Variants in ZNF235 observed in about 807,000 individuals in gnomAD.
ZNF235 encodes the protein zinc finger protein 235.
In ZNF235, 25 loss-of-function variants were observed where a neutral mutation model predicts 29.4. That is an observed-to-expected ratio of 0.85 (90% CI 0.62 to 1.19). The LOEUF (loss-of-function observed/expected upper bound fraction) is 1.19, where lower values mean the gene tolerates loss of function less well. Ranked by LOEUF, ZNF235 falls within the 50% of genes most tolerant of loss-of-function variation. The pLI is 0.00. For missense variants in ZNF235, 788 were observed against 885.0 expected, an observed-to-expected ratio of 0.89 and a Z score of 1.39; for synonymous variants, 300 against 295.3, an observed-to-expected ratio of 1.02 and a Z score of -0.16.
At chr19:44,298,275 G>A (rs767898811) in intron 4 of ZNF235, among the ~76,000 whole-genome samples, 2 of 152,154 alleles carry the variant, frequency 1.3e-5, no homozygotes, top group Non-Finnish European at 2.9e-5. Flanking sequence ...GTAAAGCTAG[G>A]TGAATAGGCA....
rs61743788 is a variant in ZNF235 at position 44,288,814 on chromosome 19, T to C, written c.621A>G (p.Leu207=). 3,081 of 1,613,384 alleles carry C rather than the reference T, an allele frequency of 1.9e-3. 45 individuals carry two copies. In the African/African-American group the frequency reaches 0.034, roughly 18 times the overall value. Residue 207 remains leucine (L), a synonymous_variant, in exon 5 of 5, where the codon CTA becomes CTG. Transcript: ENST00000291182. ...SCKQTQMKNK[L]CIFAPYVDIF... is the part of the protein sequence containing the mutation. ...TGTCAACATATGGAGCAAATATACA[T>C]AGTTTGTTTTTCATCTGAGTCTGCT...
chr19:44,288,764 T>C lies in ZNF235; in HGVS notation c.671A>G (p.His224Arg), dbSNP rs1975539876. ...TCTTTTGTGCACTATATTATCATCA[T>C]GGTGGTGTGAAATACAACTGAAAAT... ...VDIFSCISHHHDDNIVHKRDK... is the reference protein window; with the variant it reads ...VDIFSCISHHRDDNIVHKRDK... Residue 224 changes from histidine to arginine, a missense_variant, in exon 5 of 5, where the codon CAT becomes CGT. Transcript: ENST00000291182. 3.7e-6 allele frequency: 6 copies of C among 1,614,028 alleles called. No homozygotes were observed. Among genetic ancestry groups the C allele is most frequent in the Non-Finnish European group, 5.1e-6 (6 of 1,179,968 alleles).
In ZNF235 at chr19:44,288,859, CTG is replaced by C; in HGVS notation, c.574_575del (p.Gln192GlufsTer7). The C allele has an allele frequency of 6.2e-7, 1 of 1,613,582 alleles. No homozygotes were observed. The highest frequency in any genetic ancestry group is 8.5e-7 in the Non-Finnish European group (1 of 1,179,784). On this transcript the variant is annotated frameshift_variant, in exon 5 of 5. Coordinates refer to ENST00000291182, the MANE Select transcript of ZNF235 (RefSeq NM_004234.4). LOFTEE classifies it low-confidence loss of function (END_TRUNC). ...SWSKIYLNET[Q>X]NYQRSCKQTQ... is the part of the protein sequence containing the mutation. ...TCTGCTTACAACTTCTCTGATAATTCTGTGTCTCATTCAGATATATTTTACTC... is the reference window on the plus strand; with the variant it reads ...TCTGCTTACAACTTCTCTGATAATTCTGTCTCATTCAGATATATTTTACTC...
chr19:44,288,628 T>G lies in ZNF235; in HGVS notation c.807A>C (p.Glu269Asp). The change falls in exon 5 of 5, where the codon GAA becomes GAC. Residue 269 changes from glutamate to aspartate, a missense_variant. Coordinates refer to ENST00000291182, the MANE Select transcript of ZNF235 (RefSeq NM_004234.4). The part of the protein sequence containing the change: ...GQKTYQGNEC[E>D]EAFNDSSSLE... Reference sequence around the variant, plus strand: ...GACTGGAGCTATCATTGAAGGCTTCTTCACATTCATTACCCTGGTAGGTTT... The same window carrying G: ...GACTGGAGCTATCATTGAAGGCTTCGTCACATTCATTACCCTGGTAGGTTT... 6.2e-7 allele frequency: 1 copy of G among 1,614,084 alleles called. No individual in the cohort carries two copies. Among genetic ancestry groups the G allele is most frequent in the East Asian group, 2.2e-5 (1 of 44,876 alleles).
chr19:44,300,839 C>CAAAAAA (rs143676501), intron 2 of ZNF235, among the ~76,000 whole-genome samples: 6 of 95,898 alleles, frequency 6.3e-5, no homozygotes, highest in African/African-American at 2.8e-4. Context: ...GACTCCGTCT[C>CAAAAAA]AAAAAAAAAA....
intron 3 of ZNF235, 130 bp downstream of exon 3, chr19:44,299,476 G>T: frequency 8.6e-7 from 1 of 1,161,676 alleles, no homozygotes; most frequent in Non-Finnish European, 1.2e-6. Flanking sequence ...GGGGACAGAG[G>T]CCAGGGATGC....
chr19:44,302,972 A>ATT (rs1395115932), intron 2 of ZNF235, among the ~76,000 whole-genome samples: 66 of 105,642 alleles, frequency 6.2e-4, no homozygotes, highest in African/African-American at 3.1e-3. Flanking sequence ...ATACGTATAT[A>ATT]TGTATATATT....
At position 44,288,107 on chromosome 19, in the gene ZNF235, C is replaced by T; in HGVS notation, c.1328G>A (p.Ser443Asn). 1 of 1,614,118 alleles carries T rather than the reference C, an allele frequency of 6.2e-7. No individual in the cohort carries two copies. The highest frequency in any genetic ancestry group is 8.5e-7 in the Non-Finnish European group (1 of 1,180,006). Residue 443 changes from serine (S) to asparagine (N), a missense_variant, in exon 5 of 5, where the codon AGC becomes AAC. Physicochemically the swap from Ser to Asn is conservative, Grantham distance 46. Coordinates refer to ENST00000291182, the MANE Select transcript of ZNF235 (RefSeq NM_004234.4). ...CGDCGKRFSC[S>N]SNLHTHQRVH... Reference sequence around the variant, plus strand: ...TCTCTGATGGGTATGAAGATTTGAGCTACAACTAAAGCGTTTACCACAATC... The same window carrying T: ...TCTCTGATGGGTATGAAGATTTGAGTTACAACTAAAGCGTTTACCACAATC...
chr19:44,301,828 T>C (rs1041694842), intron 2 of ZNF235, among the ~76,000 whole-genome samples: 1 of 152,156 alleles, frequency 6.6e-6, no homozygotes. Context: ...CAGCTGGGCA[T>C]TGAGTGGACT....
intron 2 of ZNF235, 40 bp from the exon 3 acceptor site, chr19:44,299,772 A>C (rs1394118691): frequency 6.2e-7 from 1 of 1,612,388 alleles, no homozygotes; most frequent in African/African-American, 1.3e-5. Context: ...CTCACACCCA[A>C]TGGCCACTGG....
Position 44,287,574 on chromosome 19 carries a change from GGA to G in ZNF235, c.1859_1860del (p.Val620AlafsTer8). 1 of 1,614,150 alleles carries G rather than the reference GGA, an allele frequency of 6.2e-7. No homozygotes were observed. ...CATTTATATGGTTTCTCTCCGGTGT[GGA>G]CTCTCTGATGGGCTTGAAGGTGTGA... ...QASHLQAHQR[V>X]HTGEKPYKCD... On this transcript the variant is annotated frameshift_variant, in exon 5 of 5. Coordinates refer to ENST00000291182, the MANE Select transcript of ZNF235 (RefSeq NM_004234.4). LOFTEE classifies it high-confidence loss of function.
rs1215376149 is a variant in ZNF235 at position 44,288,693 on chromosome 19, C to T, written c.742G>A (p.Val248Ile). 6 of 1,613,946 alleles carry T rather than the reference C, an allele frequency of 3.7e-6. No individual in the cohort carries two copies. The highest frequency in any genetic ancestry group is 5.1e-6 in the Non-Finnish European group (6 of 1,180,006). Residue 248 changes from valine to isoleucine, a missense_variant, in exon 5 of 5, where the codon GTA becomes ATA. Transcript: ENST00000291182. ...NSDCGKDTLK[V>I]SPLTQRSIHT... Reference sequence around the variant, plus strand: ...ATACTACGCTGGGTAAGAGGTGATACCTTTAGGGTATCTTTACCACAATCA... The same window carrying T: ...ATACTACGCTGGGTAAGAGGTGATATCTTTAGGGTATCTTTACCACAATCA...
rs1476052551 is a variant in ZNF235 at position 44,288,846 on chromosome 19, T to C, written c.589A>G (p.Ser197Gly). The C allele has an allele frequency of 1.2e-6, 2 of 1,613,420 alleles. No homozygotes were observed. Among genetic ancestry groups the C allele is most frequent in the East Asian group, 2.2e-5 (1 of 44,880 alleles). ...TTTTTCATCTGAGTCTGCTTACAACTTCTCTGATAATTCTGTGTCTCATTC... is the reference window on the plus strand; with the variant it reads ...TTTTTCATCTGAGTCTGCTTACAACCTCTCTGATAATTCTGTGTCTCATTC... The part of the protein sequence containing the change: ...YLNETQNYQR[S>G]CKQTQMKNKL... The change falls in exon 5 of 5, where the codon AGT becomes GGT. Residue 197 changes from serine (S) to glycine (G), a missense_variant. By Grantham distance (56) the Ser-to-Gly change is moderately conservative (BLOSUM62 0). Coordinates refer to ENST00000291182, the MANE Select transcript of ZNF235 (RefSeq NM_004234.4).
chr19:44,287,300 A>G lies in ZNF235; in HGVS notation c.2135T>C (p.Ile712Thr), dbSNP rs1009453661. 1.9e-6 allele frequency: 3 copies of G among 1,613,224 alleles called. No homozygotes were observed. Among genetic ancestry groups the G allele is most frequent in the South Asian group, 2.2e-5 (2 of 91,042 alleles). ...QRVHTGERPY[I>T]CDVCCKGFSQ... ...GAAGCCCTTACAACAGACATCACAT[A>G]TGTAAGGCCTCTCTCCAGTGTGGAC... is the stretch of plus-strand genomic sequence containing the variant. The change falls in exon 5 of 5, where the codon ATA becomes ACA. Residue 712 changes from isoleucine to threonine, a missense_variant. By Grantham distance (89) the Ile-to-Thr change is moderately conservative. Coordinates refer to ENST00000291182, the MANE Select transcript of ZNF235 (RefSeq NM_004234.4).
chr19:44,290,534 GCCTCCTGGGTTCAAGCGATTCTCCCA>G (rs1213907785), intron 4 of ZNF235: 18 of 152,514 alleles, frequency 1.2e-4, no homozygotes, highest in African/African-American at 1.9e-4. Flanking sequence ...TGCAACCCCC[GCCTCCTGGGTTCAAGCGATTCTCCCA>G]CCTCCTGGGT....
At chr19:44,298,179 T>C (rs113060497) in intron 4 of ZNF235, among the ~76,000 whole-genome samples, 1 of 151,758 alleles carries the variant, frequency 6.6e-6, no homozygotes, top group Non-Finnish European at 1.5e-5. Context: ...AGCCAGAGAA[T>C]AGAAAGTAAA....
chr19:44,289,979 G>T (rs1975564914), intron 4 of ZNF235: 1 of 152,240 alleles, frequency 6.6e-6, no homozygotes, highest in South Asian at 2.1e-4. Flanking sequence ...TGGCACTCAT[G>T]TAACTGAGTC....
At position 44,288,712 on chromosome 19, in the gene ZNF235, A is replaced by G. The variant is rs769952385; in HGVS notation, c.723T>C (p.Cys241=). The G allele has an allele frequency of 3.1e-6, 5 of 1,614,144 alleles. No homozygotes were observed. The highest frequency in any genetic ancestry group is 4.2e-6 in the Non-Finnish European group (5 of 1,180,024). ...KRDKVHSNSD[C]GKDTLKVSPL... ...GTGATACCTTTAGGGTATCTTTACC[A>G]CAATCACTATTGCTATGAACTTTAT... The change falls in exon 5 of 5, where the codon TGT becomes TGC. Residue 241 remains cysteine (C), a synonymous_variant. Transcript: ENST00000291182.
At chr19:44,298,786 A>C (rs1468195609) in intron 4 of ZNF235, 22 bp downstream of exon 4, 1 of 1,549,158 alleles carries the variant, frequency 6.5e-7, no homozygotes, top group Non-Finnish European at 8.8e-7. Flanking sequence ...GTTAACTACG[A>C]TTCCGGCTGC....
Sources: allele counts gnomAD v4.1 joint callset (sites outside exome capture counted in the v4.1 genomes callset), GRCh38; gene constraint gnomAD v4.1.1; transcripts MANE v1.5; gene names NCBI Gene and HGNC (gene_info 2026-07-23, HGNC 2026-07-21).